The following EYA4 variants were observed in gnomAD, a reference collection of about 807,000 sequenced individuals.
EYA4 encodes the protein EYA transcriptional coactivator and phosphatase 4.
Under a neutral mutation model 87.9 loss-of-function variants are expected in EYA4, and 31 were observed. That is an observed-to-expected ratio of 0.35 (90% CI 0.27 to 0.48). The LOEUF (loss-of-function observed/expected upper bound fraction) is 0.48, where lower values mean the gene tolerates loss of function less well. EYA4 is among the 20% of genes least tolerant of loss of function. The pLI is 0.99. For missense variants in EYA4, 678 were observed against 761.4 expected (o/e 0.89, Z 1.29); for synonymous variants, 263 against 270.6 (o/e 0.97, Z 0.28).
intron 2 of EYA4, among the ~76,000 whole-genome samples, chr6:133,329,219 TTA>T (rs1287585883): frequency 6.6e-6 from 1 of 152,128 alleles, no homozygotes; most frequent in Non-Finnish European, 1.5e-5. Flanking sequence ...TTTTCTGAAC[TTA>T]TTTTTTCCAA....
At chr6:133,319,006 G>C (rs1410125886) in intron 2 of EYA4, among the ~76,000 whole-genome samples, 5 of 152,300 alleles carry the variant, frequency 3.3e-5, no homozygotes, top group Non-Finnish European at 4.4e-5. Flanking sequence ...CAGCATTTCT[G>C]CTTAACAGCC....
At chr6:133,516,033 C>G (rs770180621) in intron 17 of EYA4, among the ~76,000 whole-genome samples, 4 of 152,062 alleles carry the variant, frequency 2.6e-5, no homozygotes, top group Non-Finnish European at 4.4e-5. Context: ...CAACCAGGTG[C>G]CAAATATGCT....
At chr6:133,506,219 T>C (rs374401099) in intron 14 of EYA4, 24 bp downstream of exon 14, 24 of 1,271,796 alleles carry the variant, frequency 1.9e-5, no homozygotes, top group East Asian at 6.9e-5. Flanking sequence ...AAGGTACAAA[T>C]AGTTGTATCC....
chr6:133,340,822 T>C (rs1424251926), intron 2 of EYA4, among the ~76,000 whole-genome samples: 1 of 152,112 alleles, frequency 6.6e-6, no homozygotes, highest in Non-Finnish European at 1.5e-5. Context: ...ACTGCTGATC[T>C]AACTTTTCGA....
intron 16 of EYA4, 78 bp downstream of exon 16, chr6:133,513,116 G>C (rs1167362823): frequency 7.9e-6 from 11 of 1,392,888 alleles, no homozygotes; most frequent in Non-Finnish European, 1.0e-5. Context: ...TGTTAAAGAT[G>C]ATTCTGCTGT....
At chr6:133,440,032 G>A (rs1046058894) in intron 3 of EYA4, among the ~76,000 whole-genome samples, 52 of 152,178 alleles carry the variant, frequency 3.4e-4, no homozygotes, top group African/African-American at 1.0e-3. Flanking sequence ...CAAGGACCAA[G>A]CCCTGCGCCA....
At chr6:133,269,575 A>G (rs1776518585) in intron 1 of EYA4, among the ~76,000 whole-genome samples, 1 of 152,210 alleles carries the variant, frequency 6.6e-6, no homozygotes, top group South Asian at 2.1e-4. Context: ...TAATTTTTAA[A>G]ACGTCTTGTG....
At chr6:133,257,532 T>G (rs907126407) in intron 1 of EYA4, among the ~76,000 whole-genome samples, 22 of 152,234 alleles carry the variant, frequency 1.4e-4, no homozygotes, top group Non-Finnish European at 8.8e-5. Context: ...TTTATCCTTT[T>G]TGGAAAATGT....
chr6:133,381,075 C>CT (rs5880181), intron 2 of EYA4, among the ~76,000 whole-genome samples: 1,783 of 96,880 alleles, frequency 0.018, 34 homozygotes, highest in Admixed American at 0.065. Context: ...TTTTTTTTTT[C>CT]TTTTTTTTTT....
At chr6:133,360,213 C>CT in intron 2 of EYA4, 1 of 152,180 alleles carries the variant, frequency 6.6e-6, no homozygotes, top group Non-Finnish European at 1.5e-5. Context: ...ACAACATTTA[C>CT]AAGTAAAGGT....
intron 3 of EYA4, among the ~76,000 whole-genome samples, chr6:133,423,844 G>T (rs1790425019): frequency 6.6e-6 from 1 of 152,138 alleles, no homozygotes; most frequent in African/African-American, 2.4e-5. Flanking sequence ...CAATTTTCTA[G>T]CCAGAAACCT....
At chr6:133,353,265 C>T (rs955169687) in intron 2 of EYA4, among the ~76,000 whole-genome samples, 1 of 152,056 alleles carries the variant, frequency 6.6e-6, no homozygotes, top group African/African-American at 2.4e-5. Flanking sequence ...TGCCAGAGAA[C>T]AGCATTGGCA....
rs1205512892 is a variant in EYA4 at position 133,529,686 on chromosome 6, T to TTCCTCATAC, written c.*881_*882insTCCTCATAC. The TTCCTCATAC allele has an allele frequency of 2.0e-6, 2 of 984,926 alleles. No individual in the cohort carries two copies. The highest frequency in any genetic ancestry group is 3.5e-5 in the African/African-American group (2 of 57,232). 61.0% of individuals were successfully genotyped at this position (984,926 alleles called of 1,614,324 possible). Reference sequence around the variant, plus strand: ...GCTTGTGTTTCATTTGGGTTCTTAATAATTCCAATAATTGTATGAGGCAAC... The same window carrying TTCCTCATAC: ...GCTTGTGTTTCATTTGGGTTCTTAATTCCTCATACAATTCCAATAATTGTATGAGGCAAC... On this transcript the variant is annotated 3_prime_UTR_variant, in exon 20 of 20. Coordinates refer to ENST00000355286, the MANE Select transcript of EYA4 (RefSeq NM_004100.5).
chr6:133,286,992 G>A (rs1202898516), intron 2 of EYA4, among the ~76,000 whole-genome samples: 3 of 151,952 alleles, frequency 2.0e-5, no homozygotes, highest in Non-Finnish European at 2.9e-5. Flanking sequence ...CCCTTCCTTT[G>A]TTGTGACAAT....
chr6:133,404,139 T>C (rs1788499810), intron 3 of EYA4, among the ~76,000 whole-genome samples: 1 of 152,080 alleles, frequency 6.6e-6, no homozygotes, highest in East Asian at 1.9e-4. Flanking sequence ...TTAACAGGAG[T>C]GTCTCAGGAA....
chr6:133,488,982 T>C (rs1796912039), intron 13 of EYA4, among the ~76,000 whole-genome samples: 1 of 152,116 alleles, frequency 6.6e-6, no homozygotes, highest in Non-Finnish European at 1.5e-5. Flanking sequence ...TCAAAATAGC[T>C]TTTTTGAGGA....
At chr6:133,304,142 A>C (rs1337248993) in intron 2 of EYA4, among the ~76,000 whole-genome samples, 5 of 152,142 alleles carry the variant, frequency 3.3e-5, no homozygotes. Flanking sequence ...TAAACACATA[A>C]AACTTCCTAG....
intron 2 of EYA4, among the ~76,000 whole-genome samples, chr6:133,295,422 G>A (rs1439146101): frequency 6.6e-6 from 1 of 152,132 alleles, no homozygotes; most frequent in Non-Finnish European, 1.5e-5. Context: ...TGAAATAAAT[G>A]CCTGCATTTG....
intron 2 of EYA4, among the ~76,000 whole-genome samples, chr6:133,377,975 CACACA>C (rs1269306302): frequency 9.5e-5 from 1 of 10,540 alleles, no homozygotes; most frequent in Non-Finnish European, 4.0e-4. Flanking sequence ...ATATTATGTT[CACACA>C]CACACACACA....
Sources: gnomAD v4.1 joint callset for allele counts (sites outside exome capture counted in the v4.1 genomes callset) on GRCh38, gnomAD v4.1.1 for gene constraint, MANE v1.5 for transcripts, NCBI Gene and HGNC (gene_info 2026-07-23, HGNC 2026-07-21) for gene names.